The following FAT2 variants were observed in gnomAD, a reference collection of about 807,000 sequenced individuals.
FAT2 encodes FAT atypical cadherin 2.
Under a neutral mutation model 295.3 loss-of-function variants are expected in FAT2, and 150 were observed. That is an observed-to-expected ratio of 0.51 (90% confidence interval 0.44 to 0.58). The LOEUF is 0.58. Among genes scored for constraint, FAT2 ranks in the 20% least tolerant of loss-of-function variants. FAT2 has a pLI of 0.00. For synonymous variants in FAT2, 2,026 were observed against 2,150.3 expected (o/e 0.94, Z 1.60); for missense variants, 4,868 against 5,442.7 (o/e 0.89, Z 3.32).
intron 1 of FAT2, among the ~76,000 whole-genome samples, chr5:151,577,532 T>C (rs1758790896): frequency 6.6e-6 from 1 of 152,148 alleles, no homozygotes; most frequent in Non-Finnish European, 1.5e-5. Flanking sequence ...AGAAACGTTA[T>C]GTGGGGCAAG....
intron 20 of FAT2, 75 bp downstream of exon 20, chr5:151,517,545 A>C: frequency 6.4e-7 from 1 of 1,570,442 alleles, no homozygotes; most frequent in Non-Finnish European, 8.7e-7. Context: ...GCTTCCTGAC[A>C]TTCCTCATGC....
rs2127605196 is a variant in FAT2, at chr5:151,542,367, C to T, written c.8760G>A (p.Glu2920=). The T allele has an allele frequency of 6.2e-7, 1 of 1,614,186 alleles. No individual in the cohort carries two copies. The highest frequency in any genetic ancestry group is 2.2e-5 in the East Asian group (1 of 44,884). Residue 2920 remains glutamate, a synonymous_variant, in exon 10 of 24, where the codon GAG becomes GAA. Coordinates refer to ENST00000261800, the MANE Select transcript of FAT2 (RefSeq NM_001447.3). ...TTAGAGTCGCCACCAGTTCGCCAGG[C>T]TCACTGTTCTCAACCACAGATCCTC... ...EYRGSVVENS[E]PGELVATLKT...
chr5:151,568,110 A>G lies in FAT2; in HGVS notation c.822T>C (p.Thr274=), dbSNP rs1317383749. 5.0e-6 allele frequency: 8 copies of G among 1,614,076 alleles called. No individual in the cohort carries two copies. Among genetic ancestry groups the G allele is most frequent in the East Asian group, 2.2e-5 (1 of 44,900 alleles). The change falls in exon 2 of 24, where the codon ACT becomes ACC. Residue 274 remains threonine, a synonymous_variant. Transcript: ENST00000261800. ...CTGAGCTATTTGCATCGACCAGTAC[A>G]GTGGCATAGGTGGTACCATCATTGC... ...PDSNDGTTYA[T]VLVDANSSGA... is the part of the protein sequence containing the mutation.
At chr5:151,574,636 A>G (rs565908182) in intron 1 of FAT2, among the ~76,000 whole-genome samples, 5 of 152,340 alleles carry the variant, frequency 3.3e-5, no homozygotes, top group Admixed American at 1.3e-4. Context: ...GTAATCTAAC[A>G]TTAGACCAAA....
At chr5:151,518,372 A>T (rs1753095527) in intron 19 of FAT2, among the ~76,000 whole-genome samples, 1 of 148,730 alleles carries the variant, frequency 6.7e-6, no homozygotes, top group Non-Finnish European at 1.5e-5. Flanking sequence ...AATAATAATA[A>T]TAATTTTTAA....
rs879324691 is a variant in FAT2 at position 151,550,497 on chromosome 5, G to A, written c.4578+93C>T. ...TCTGTCTCGTGCATGGTCCTTATGA[G>A]GGGAAGGGGGACCTTCAGCATGTCT... On this transcript the variant is annotated intron_variant, in intron 8 of 23. Transcript: ENST00000261800. The A allele has an allele frequency of 2.8e-6, 4 of 1,404,238 alleles. No individual in the cohort carries two copies. The African/African-American group carries it at 5.6e-5, about 20-fold the overall frequency. 87.0% of individuals were successfully genotyped at this position (1,404,238 alleles called of 1,614,324 possible). A position where few individuals can be genotyped will look rare whatever the true frequency, so the allele number is the denominator to read the frequency against.
chr5:151,564,455 C>T (rs1479538377), intron 2 of FAT2, among the ~76,000 whole-genome samples: 9 of 152,222 alleles, frequency 5.9e-5, no homozygotes. Context: ...TGTTTTCTTT[C>T]AGTGGCTGGC....
rs750898328 is a variant in FAT2, at chr5:151,544,886, C to T, written c.6241G>A (p.Asp2081Asn). The T allele has an allele frequency of 1.9e-6, 3 of 1,614,162 alleles. No individual in the cohort carries two copies. The East Asian group carries it at 6.7e-5, about 36-fold the overall frequency. The change falls in exon 10 of 24, where the codon GAT (aspartate) becomes AAT (asparagine). Residue 2081 changes from aspartate to asparagine, a missense_variant. Asp to Asn is a conservative substitution (Grantham distance 23, BLOSUM62 1). Coordinates refer to ENST00000261800, the MANE Select transcript of FAT2 (RefSeq NM_001447.3). Reference protein sequence around the residue: ...KHLPYYTIIQDGTEPGDVLFQ... With the variant: ...KHLPYYTIIQNGTEPGDVLFQ... ...AGGACATCCCCTGGCTCTGTGCCATCTTGGATGATTGTGTAATAGGGCAGA... is the reference window on the plus strand; with the variant it reads ...AGGACATCCCCTGGCTCTGTGCCATTTTGGATGATTGTGTAATAGGGCAGA...
chr5:151,568,989 G>A (rs1758416773), intron 1 of FAT2, 38 bp from the exon 2 acceptor site: 6 of 1,517,884 alleles, frequency 4.0e-6, no homozygotes, highest in Admixed American at 2.2e-5. Context: ...AAGTTAGGGG[G>A]AAAAAATGGT....
chr5:151,588,644 C>A (rs1386462344), intron 1 of FAT2, among the ~76,000 whole-genome samples: 1 of 152,134 alleles, frequency 6.6e-6, no homozygotes, highest in Non-Finnish European at 1.5e-5. Context: ...GGCGCCAGGG[C>A]AGTGAGCAAG....
intron 20 of FAT2, among the ~76,000 whole-genome samples, chr5:151,514,063 G>A (rs545632188): frequency 6.6e-6 from 1 of 152,302 alleles, no homozygotes; most frequent in South Asian, 2.1e-4. Flanking sequence ...AGTTTTCTCT[G>A]TTGAAATTTG....
In FAT2 at chr5:151,531,319, G is replaced by A. The variant is rs1754569822; in HGVS notation, c.9811+268C>T. Among the ~76,000 whole-genome samples the A allele has an allele frequency of 6.6e-6, 1 of 152,206 alleles. No homozygotes were observed. The highest frequency in any genetic ancestry group is 2.4e-5 in the African/African-American group (1 of 41,444). ...CCATGAAGCCGCTAACTGTGTGGGA[G>A]GAGAGTGGATCACTGAGGGTCCTGG... On this transcript the variant is annotated intron_variant, in intron 14 of 23. Coordinates refer to ENST00000261800, the MANE Select transcript of FAT2 (RefSeq NM_001447.3). The surrounding 1 kb of genome is among the most constrained non-coding windows in gnomAD (Gnocchi z 5.7).
chr5:151,547,827 G>A (rs1756791600), intron 9 of FAT2, among the ~76,000 whole-genome samples: 1 of 152,128 alleles, frequency 6.6e-6, no homozygotes, highest in African/African-American at 2.4e-5. Context: ...ATATGCATAG[G>A]GGAAGATAAG....
intron 1 of FAT2, among the ~76,000 whole-genome samples, chr5:151,582,745 C>T (rs75100667): frequency 0.017 from 2,571 of 152,230 alleles, 68 homozygotes; most frequent in African/African-American, 0.058. Context: ...GATTCTCAAA[C>T]GTCACTGTGT....
intron 7 of FAT2, 128 bp from the exon 8 acceptor site, chr5:151,550,999 AT>A (rs2127622594): frequency 3.8e-6 from 3 of 786,164 alleles, no homozygotes; most frequent in Non-Finnish European, 6.1e-6. Context: ...CTTGATAAAT[AT>A]TTGTTGAATG....
intron 21 of FAT2, chr5:151,511,939 C>T (rs1372021979): frequency 8.8e-6 from 5 of 565,008 alleles, no homozygotes; most frequent in Non-Finnish European, 1.6e-5. Flanking sequence ...TCATATCCTC[C>T]CTCATCCCCC....
chr5:151,518,815 C>T (rs1304630796), intron 19 of FAT2, among the ~76,000 whole-genome samples: 1 of 152,214 alleles, frequency 6.6e-6, no homozygotes, highest in African/African-American at 2.4e-5. Flanking sequence ...GTTGAACCCC[C>T]TTTGGGAAGC....
chr5:151,568,007 T>C lies in FAT2; in HGVS notation c.925A>G (p.Ser309Gly). The stretch of plus-strand genomic sequence containing the variant: ...ACAGACACCAAACTGAACTCATTGC[T>C]CCGGGCATAAGACTTGATGGCTTTG... ...HFKAIKSYAR[S>G]NEFSLVSVKD... Residue 309 changes from serine (S) to glycine (G), a missense_variant, in exon 2 of 24, where the codon AGC (serine) becomes GGC (glycine). By Grantham distance (56) the Ser-to-Gly change is moderately conservative. This residue lies in a region of FAT2 where 3,297 missense variants were observed against 3,669.4 expected (regional missense o/e 0.90). Transcript: ENST00000261800. The C allele has an allele frequency of 6.2e-7, 1 of 1,614,198 alleles. No homozygotes were observed.
chr5:151,538,749 C>T (rs991314862), intron 11 of FAT2, among the ~76,000 whole-genome samples: 27 of 152,196 alleles, frequency 1.8e-4, no homozygotes, highest in Admixed American at 7.9e-4. Context: ...ACGATCTTGG[C>T]TCACTGCAAC....
Sources: allele counts gnomAD v4.1 joint callset (sites outside exome capture counted in the v4.1 genomes callset), GRCh38; gene constraint gnomAD v4.1.1; regional missense constraint gnomAD v4.1.1; non-coding constraint Gnocchi (gnomAD v3.1); transcripts MANE v1.5; gene names NCBI Gene and HGNC (gene_info 2026-07-23, HGNC 2026-07-21).